CIMIP6: variants seen among roughly 807,000 people sequenced by gnomAD.
CIMIP6 encodes the protein uncharacterized protein C2orf73.
the CIMIP6 span, chr2:54,383,343 C>A: frequency 4.6e-5 from 7 of 152,226 alleles, no homozygotes; most frequent in East Asian, 1.3e-3. Flanking sequence ...CATGTTAATA[C>A]CTGTCATAAA....
chr2:54,343,393 A>G, the CIMIP6 span, among the ~76,000 whole-genome samples: 4 of 152,158 alleles, frequency 2.6e-5, no homozygotes, highest in Admixed American at 6.5e-5. Context: ...TATTTTATAC[A>G]TACACGTGTA....
At chr2:54,334,888 C>T in the CIMIP6 span, 1 of 1,564,946 alleles carries the variant, frequency 6.4e-7, no homozygotes, top group South Asian at 1.2e-5. Context: ...GAAGAAAAAC[C>T]TGGAAAAAGC....
At chr2:54,381,898 T>C in the CIMIP6 span, 1 of 1,550,796 alleles carries the variant, frequency 6.4e-7, no homozygotes, top group Non-Finnish European at 8.7e-7. Context: ...TGTGCCACAG[T>C]GCAGGAAGAA....
At chr2:54,357,699 C>T in the CIMIP6 span, among the ~76,000 whole-genome samples, 1 of 151,822 alleles carries the variant, frequency 6.6e-6, no homozygotes, top group Non-Finnish European at 1.5e-5. Context: ...GCCTCACCCT[C>T]CTGAGTAGCT....
At chr2:54,376,451 A>C in the CIMIP6 span, among the ~76,000 whole-genome samples, 2 of 152,092 alleles carry the variant, frequency 1.3e-5, no homozygotes, top group East Asian at 1.9e-4. Flanking sequence ...TTAAAATCTC[A>C]AGTTCGCTTT....
chr2:54,382,395 T>C, the CIMIP6 span, among the ~76,000 whole-genome samples: 1 of 152,206 alleles, frequency 6.6e-6, no homozygotes. Flanking sequence ...GAATTAATTA[T>C]AAAACATTGC....
At chr2:54,344,418 C>T in the CIMIP6 span, among the ~76,000 whole-genome samples, 3 of 152,160 alleles carry the variant, frequency 2.0e-5, no homozygotes, top group Admixed American at 2.0e-4. Flanking sequence ...AGACTAGAAG[C>T]CTATTGATAG....
the CIMIP6 span, among the ~76,000 whole-genome samples, chr2:54,347,184 A>G: frequency 2.0e-5 from 3 of 152,248 alleles, no homozygotes; most frequent in Non-Finnish European, 2.9e-5. Context: ...TAAAAGGTCA[A>G]TTGCTAACTT....
chr2:54,332,744 A>G, the CIMIP6 span, among the ~76,000 whole-genome samples: 1 of 152,230 alleles, frequency 6.6e-6, no homozygotes, highest in Non-Finnish European at 1.5e-5. Context: ...CTTGATCACT[A>G]CAAGTGTATA....
chr2:54,340,969 AAAT>A, the CIMIP6 span, among the ~76,000 whole-genome samples: 1 of 152,162 alleles, frequency 6.6e-6, no homozygotes, highest in Non-Finnish European at 1.5e-5. Flanking sequence ...TGGCTCAAAA[AAAT>A]AATAATAACA....
At chr2:54,360,445 A>G in the CIMIP6 span, 3 of 1,592,750 alleles carry the variant, frequency 1.9e-6, no homozygotes, top group Non-Finnish European at 2.6e-6. Context: ...CAGCCAAGGC[A>G]TGCCCCAGCA....
chr2:54,356,232 G>A, the CIMIP6 span, among the ~76,000 whole-genome samples: 3 of 151,996 alleles, frequency 2.0e-5, no homozygotes, highest in South Asian at 6.2e-4. Context: ...GGGGAATGTT[G>A]GAGGAAGAAA....
At chr2:54,376,965 T>G in the CIMIP6 span, among the ~76,000 whole-genome samples, 1 of 152,232 alleles carries the variant, frequency 6.6e-6, no homozygotes, top group African/African-American at 2.4e-5. Context: ...CAGGATTTTG[T>G]GAATGACCTA....
chr2:54,383,816 G>C, the CIMIP6 span: 1 of 152,070 alleles, frequency 6.6e-6, no homozygotes, highest in Non-Finnish European at 1.5e-5. Flanking sequence ...GAGGTGAGTA[G>C]GACATGAGGG....
chr2:54,376,273 C>T, the CIMIP6 span, among the ~76,000 whole-genome samples: 34 of 152,112 alleles, frequency 2.2e-4, no homozygotes, highest in African/African-American at 7.2e-4. Flanking sequence ...GCAACCCTCC[C>T]AAAGTGCTGA....
At chr2:54,375,326 T>C in the CIMIP6 span, among the ~76,000 whole-genome samples, 4 of 152,148 alleles carry the variant, frequency 2.6e-5, no homozygotes, top group African/African-American at 9.7e-5. Flanking sequence ...GTTATCAAGT[T>C]AATAAGGAAA....
chr2:54,356,749 G>A, the CIMIP6 span, among the ~76,000 whole-genome samples: 1 of 152,164 alleles, frequency 6.6e-6, no homozygotes, highest in African/African-American at 2.4e-5. Context: ...GAATTTCAAT[G>A]AAGTTCAGTG....
chr2:54,362,129 C>T, the CIMIP6 span, among the ~76,000 whole-genome samples: 2 of 152,262 alleles, frequency 1.3e-5, no homozygotes, highest in South Asian at 4.1e-4. Flanking sequence ...CCAAAAAATT[C>T]CTCTAGTGAT....
chr2:54,354,532 A>T, the CIMIP6 span, among the ~76,000 whole-genome samples: 1 of 152,054 alleles, frequency 6.6e-6, no homozygotes, highest in Admixed American at 6.5e-5. Context: ...CTCTATAGAG[A>T]TCTTGTGAAT....
Sources: gnomAD v4.1 joint callset for allele counts (sites outside exome capture counted in the v4.1 genomes callset) on GRCh38, gnomAD v4.1.1 for gene constraint, MANE v1.5 for transcripts, NCBI Gene and HGNC (gene_info 2026-07-23, HGNC 2026-07-21) for gene names.